The following MAP4K4 variants were observed in gnomAD, a reference collection of about 807,000 sequenced individuals.
MAP4K4 encodes mitogen-activated protein kinase kinase kinase kinase 4.
MAP4K4 carries 38 observed loss-of-function variants against 189.6 expected under a neutral mutation model. The ratio of observed to expected loss-of-function variants is 0.20; its 90% CI spans 0.15 to 0.26. The LOEUF is 0.26. Ranked by LOEUF, MAP4K4 falls within the 10% of genes least tolerant of loss-of-function variation. The probability of loss-of-function intolerance (pLI) is 1.00; values close to 1 mark genes in which losing one functional copy is unlikely to be tolerated. For synonymous variants in MAP4K4, 610 were observed against 624.3 expected, an observed-to-expected ratio of 0.98 and a Z score of 0.34; for missense variants, 1,054 against 1,726.9, an observed-to-expected ratio of 0.61 and a Z score of 6.91.
intron 2 of MAP4K4, among the ~76,000 whole-genome samples, chr2:101,732,143 G>A (rs1171306692): frequency 6.6e-6 from 1 of 152,172 alleles, no homozygotes; most frequent in East Asian, 1.9e-4. Context: ...TGTGGGAGAT[G>A]AAATGGGCTT....
At chr2:101,881,911 A>G (rs1480114998) in intron 27 of MAP4K4, among the ~76,000 whole-genome samples, 2 of 152,172 alleles carry the variant, frequency 1.3e-5, no homozygotes, top group Non-Finnish European at 2.9e-5. Flanking sequence ...GTATTTACTC[A>G]TTTTACTATC....
chr2:101,759,002 A>G (rs1027282452), intron 2 of MAP4K4, among the ~76,000 whole-genome samples: 17 of 151,958 alleles, frequency 1.1e-4, no homozygotes, highest in East Asian at 7.8e-4. Flanking sequence ...GCGTGGTGGC[A>G]GGCGCCTGTA....
chr2:101,768,380 A>G (rs181408237), intron 2 of MAP4K4, among the ~76,000 whole-genome samples: 6 of 152,360 alleles, frequency 3.9e-5, no homozygotes, highest in African/African-American at 1.4e-4. Context: ...GTTGGATTAG[A>G]GAAGACAAAG....
chr2:101,857,317 C>T (rs530323838), intron 13 of MAP4K4, among the ~76,000 whole-genome samples: 7 of 152,116 alleles, frequency 4.6e-5, no homozygotes, highest in Non-Finnish European at 7.4e-5. Flanking sequence ...CCCATGTTAA[C>T]AGTGCTGTAG....
exon 22 of MAP4K4, chr2:101,869,741 T>A (rs753912429): frequency 6.3e-7 from 1 of 1,592,688 alleles, no homozygotes; most frequent in Non-Finnish European, 8.6e-7. Context: ...AGGACGACGA[T>A]GTGGAGCAGG....
chr2:101,706,896 T>G (rs562459798), intron 2 of MAP4K4, among the ~76,000 whole-genome samples: 1 of 152,368 alleles, frequency 6.6e-6, no homozygotes, highest in South Asian at 2.1e-4. Flanking sequence ...CATCTTCTCT[T>G]GTCTGGAACA....
chr2:101,869,368 G>T (rs1375898587), intron 21 of MAP4K4, among the ~76,000 whole-genome samples: 2 of 150,182 alleles, frequency 1.3e-5, no homozygotes, highest in African/African-American at 4.9e-5. Context: ...TTTTTTTATT[G>T]TCATGGGATT....
At chr2:101,729,077 G>A (rs961641437) in intron 2 of MAP4K4, among the ~76,000 whole-genome samples, 1 of 128,674 alleles carries the variant, frequency 7.8e-6, no homozygotes, top group Non-Finnish European at 1.6e-5. Context: ...ATTAGAGAGA[G>A]GAGAGAGAGA....
chr2:101,769,647 G>A (rs1404632416), intron 2 of MAP4K4, among the ~76,000 whole-genome samples: 4 of 151,576 alleles, frequency 2.6e-5, no homozygotes, highest in Non-Finnish European at 5.9e-5. Context: ...GCAGTGGTGC[G>A]ATCTTGGCTC....
chr2:101,804,708 C>T (rs146648969), intron 3 of MAP4K4, among the ~76,000 whole-genome samples: 17 of 152,248 alleles, frequency 1.1e-4, no homozygotes, highest in African/African-American at 3.6e-4. Context: ...AGGGTAGCTG[C>T]GTTTACTTGC....
At chr2:101,769,750 A>C (rs920884823) in intron 2 of MAP4K4, among the ~76,000 whole-genome samples, 1 of 151,824 alleles carries the variant, frequency 6.6e-6, no homozygotes, top group African/African-American at 2.4e-5. Context: ...CACCCAGCTA[A>C]TTTTTGTTTT....
At chr2:101,858,972 T>G in intron 13 of MAP4K4, 24 bp from the exon 14 acceptor site, 3 of 1,577,164 alleles carry the variant, frequency 1.9e-6, no homozygotes, top group Non-Finnish European at 2.6e-6. Context: ...ATAATTTGAT[T>G]GCTGGGTGAT....
In MAP4K4 at chr2:101,863,779, T is replaced by C. The variant is rs200917274; in HGVS notation, c.1867-42T>C. 1.8e-3 allele frequency: 2,359 copies of C among 1,307,814 alleles called. 3 individuals carry two copies. Among genetic ancestry groups the C allele is most frequent in the Non-Finnish European group, 2.3e-3 (2,252 of 967,478 alleles). The allele number at this position is 1,307,814 out of a possible 1,614,324, so 81.0% of individuals were successfully genotyped here. ...GTATTGACCAGAAAAGCCAGTTTTA[T>C]GCAGAACGCATTGAATGTTTTGTGT... On this transcript the variant is annotated intron_variant, in intron 16 of 32. Transcript: ENST00000324219.
intron 9 of MAP4K4, among the ~76,000 whole-genome samples, chr2:101,838,424 A>T (rs1345075655): frequency 6.6e-6 from 1 of 152,220 alleles, no homozygotes; most frequent in Non-Finnish European, 1.5e-5. Context: ...CTCTGAGCTG[A>T]CCCTAACCTA....
At chr2:101,803,376 A>G (rs909372596) in intron 3 of MAP4K4, among the ~76,000 whole-genome samples, 4 of 152,132 alleles carry the variant, frequency 2.6e-5, no homozygotes, top group African/African-American at 9.7e-5. Flanking sequence ...TTTTAATTGT[A>G]TAGTGACATG....
In MAP4K4 at chr2:101,766,734, A is replaced by G. The variant is rs1374753469; in HGVS notation, c.124-23986A>G. On this transcript the variant is annotated intron_variant, in intron 2 of 32. Transcript: ENST00000324219. The stretch of plus-strand genomic sequence containing the variant: ...TCCCTTTATGTTTCCTGTTCTAGGA[A>G]ATAATTATTTCAAACTTTGTCTTTT... Among the ~76,000 whole-genome samples, 4 of 152,268 alleles carry G rather than the reference A, an allele frequency of 2.6e-5. No homozygotes were observed. The East Asian group carries it at 7.7e-4, about 29-fold the overall frequency.
intron 2 of MAP4K4, among the ~76,000 whole-genome samples, chr2:101,710,837 T>A (rs2045066582): frequency 6.6e-6 from 1 of 152,208 alleles, no homozygotes; most frequent in South Asian, 2.1e-4. Context: ...ATTCATCATC[T>A]TGGTTAATAC....
intron 2 of MAP4K4, among the ~76,000 whole-genome samples, chr2:101,725,279 T>C (rs2149492893): frequency 6.6e-6 from 1 of 152,148 alleles, no homozygotes; most frequent in Non-Finnish European, 1.5e-5. Context: ...GAAATAGATG[T>C]AGCCATGCTT....
At chr2:101,887,213 C>G in exon 30 of MAP4K4, 7 of 1,612,768 alleles carry the variant, frequency 4.3e-6, no homozygotes, top group Non-Finnish European at 5.9e-6. Flanking sequence ...CAGGATCAGT[C>G]TATGACATTT....
Sources: gnomAD v4.1 joint callset for allele counts (sites outside exome capture counted in the v4.1 genomes callset) on GRCh38, gnomAD v4.1.1 for gene constraint, MANE v1.5 for transcripts, NCBI Gene and HGNC (gene_info 2026-07-23, HGNC 2026-07-21) for gene names.